Variants in RAD18 observed in about 807,000 individuals in gnomAD.
The protein encoded by RAD18 is RAD18 E3 ubiquitin protein ligase.
RAD18 carries 47 observed loss-of-function variants against 60.4 expected under a neutral mutation model. The observed-to-expected ratio is 0.78, with a 90% confidence interval of 0.62 to 0.99. RAD18 has a LOEUF of 0.99. RAD18 is among the 50% of genes least tolerant of loss of function. The pLI is 0.00. For synonymous variants in RAD18, 225 were observed against 195.5 expected, an observed-to-expected ratio of 1.15 and a Z score of -1.26; for missense variants, 640 against 593.3, an observed-to-expected ratio of 1.08 and a Z score of -0.82.
At chr3:8,936,576 T>A (rs1208533650) in intron 6 of RAD18, among the ~76,000 whole-genome samples, 1 of 152,242 alleles carries the variant, frequency 6.6e-6, no homozygotes, top group African/African-American at 2.4e-5. Flanking sequence ...TTTATGGCAA[T>A]TAGATGCTTA....
intron 4 of RAD18, among the ~76,000 whole-genome samples, chr3:8,946,564 TC>T (rs1395388542): frequency 6.6e-6 from 1 of 152,240 alleles, no homozygotes; most frequent in African/African-American, 2.4e-5. Flanking sequence ...CCTTTTCATA[TC>T]CCTTTGGGTG....
chr3:8,914,738 G>T (rs957572303), intron 7 of RAD18, among the ~76,000 whole-genome samples: 1 of 152,050 alleles, frequency 6.6e-6, no homozygotes, highest in Non-Finnish European at 1.5e-5. Context: ...TCCAAAATGA[G>T]TCATGGAATA....
intron 1 of RAD18, among the ~76,000 whole-genome samples, chr3:8,961,826 TG>T (rs1016003767): frequency 6.6e-6 from 1 of 152,248 alleles, no homozygotes; most frequent in South Asian, 2.1e-4. Flanking sequence ...AGAGAAGACA[TG>T]GAACCCGCCT....
chr3:8,937,015 G>A (rs1940665501), intron 6 of RAD18, among the ~76,000 whole-genome samples: 1 of 152,102 alleles, frequency 6.6e-6, no homozygotes, highest in South Asian at 2.1e-4. Flanking sequence ...TGTCTTTTAT[G>A]CTGTATTAAC....
In RAD18 at chr3:8,958,912, A is replaced by C; in HGVS notation, c.133+8T>G. 6.2e-7 allele frequency: 1 copy of C among 1,607,950 alleles called. No homozygotes were observed. Among genetic ancestry groups the C allele is most frequent in the Non-Finnish European group, 8.5e-7 (1 of 1,174,888 alleles). ...ATTTACTAACTCACAGGAACAAAAC[A>C]TACTTACAGTTATGTGAACACTGAG... On this transcript the variant is annotated splice_region_variant and intron_variant, in intron 2 of 12. Transcript: ENST00000264926.
intron 9 of RAD18, among the ~76,000 whole-genome samples, chr3:8,909,230 G>T (rs748002858): frequency 6.6e-6 from 1 of 152,182 alleles, no homozygotes; most frequent in Admixed American, 6.5e-5. Flanking sequence ...AGAGAGGTAG[G>T]CAGGTCCAGA....
intron 7 of RAD18, among the ~76,000 whole-genome samples, chr3:8,932,953 G>A (rs572959473): frequency 2.1e-4 from 32 of 151,868 alleles, no homozygotes; most frequent in African/African-American, 4.6e-4. Context: ...AAAATTAGCC[G>A]GGCGTGCTGG....
chr3:8,952,121 G>C (rs570925838), intron 2 of RAD18, among the ~76,000 whole-genome samples: 1 of 152,246 alleles, frequency 6.6e-6, no homozygotes, highest in African/African-American at 2.4e-5. Context: ...TTCACTCCAG[G>C]CATTCCACCT....
chr3:8,928,686 T>C (rs1940493478), intron 7 of RAD18, among the ~76,000 whole-genome samples: 1 of 152,200 alleles, frequency 6.6e-6, no homozygotes, highest in Non-Finnish European at 1.5e-5. Flanking sequence ...TTCAAAAAGC[T>C]TCTCAGTAAT....
intron 8 of RAD18, 78 bp downstream of exon 8, chr3:8,913,566 A>T (rs1325045242): frequency 9.7e-7 from 1 of 1,033,338 alleles, no homozygotes; most frequent in Non-Finnish European, 1.4e-6. Flanking sequence ...TAAATTTAAT[A>T]ATGGCTTGCT....
At chr3:8,952,245 C>A (rs765990567) in intron 2 of RAD18, among the ~76,000 whole-genome samples, 37 of 152,198 alleles carry the variant, frequency 2.4e-4, no homozygotes, top group Non-Finnish European at 4.9e-4. Context: ...AATCTAAAGT[C>A]TCATCTAAAT....
intron 2 of RAD18, among the ~76,000 whole-genome samples, chr3:8,953,879 A>G (rs1372463787): frequency 6.6e-6 from 1 of 152,204 alleles, no homozygotes; most frequent in Non-Finnish European, 1.5e-5. Context: ...GTGTAGAAGT[A>G]AAAAGCAATT....
rs45437595 is a variant in RAD18 at position 8,949,099 on chromosome 3, A to G, written c.134-529T>C. Among the ~76,000 whole-genome samples the G allele has an allele frequency of 3.1e-3, 470 of 152,342 alleles. 1 individual carries two copies. Among genetic ancestry groups the G allele is most frequent in the Non-Finnish European group, 5.0e-3 (341 of 68,034 alleles). On this transcript the variant is annotated intron_variant, in intron 2 of 12. Coordinates refer to ENST00000264926, the MANE Select transcript of RAD18 (RefSeq NM_020165.4). ...TTCTTGACCTCAAGGAGCTAATAAA[A>G]TAGTGAAGCAATTACAGCATAATTC...
intron 2 of RAD18, among the ~76,000 whole-genome samples, chr3:8,957,351 A>C (rs572337975): frequency 1.3e-5 from 2 of 152,318 alleles, no homozygotes; most frequent in South Asian, 4.1e-4. Flanking sequence ...ATGCATTTAA[A>C]ATGCAACGAT....
chr3:8,950,481 G>GGAT (rs1312878142), intron 2 of RAD18, among the ~76,000 whole-genome samples: 1 of 152,208 alleles, frequency 6.6e-6, no homozygotes, highest in Non-Finnish European at 1.5e-5. Context: ...CATCTAAGGA[G>GGAT]GGGAAAACTG....
intron 7 of RAD18, among the ~76,000 whole-genome samples, chr3:8,927,965 C>T (rs1329457365): frequency 2.7e-5 from 4 of 147,922 alleles, no homozygotes; most frequent in East Asian, 4.0e-4. Context: ...ATGTAAATGA[C>T]GAGTTAGTGG....
At chr3:8,929,684 C>T (rs1347856311) in intron 7 of RAD18, among the ~76,000 whole-genome samples, 4 of 150,656 alleles carry the variant, frequency 2.7e-5, no homozygotes, top group African/African-American at 7.3e-5. Flanking sequence ...CTCTGTTGCC[C>T]AGACTGTAGT....
At position 8,907,846 on chromosome 3, in the gene RAD18, G is replaced by A. The variant is rs573200000; in HGVS notation, c.1027+4466C>T. On this transcript the variant is annotated intron_variant, in intron 9 of 12. Transcript: ENST00000264926. ...CTGGACAAGAACCCACATGCTGAAA[G>A]GGCAGGGGCTAGGACACTGCTACGG... Among the ~76,000 whole-genome samples the A allele has an allele frequency of 2.4e-4, 36 of 152,340 alleles. No homozygotes were observed. In the South Asian group the frequency reaches 6.6e-3, roughly 28 times the overall value.
At chr3:8,917,593 T>A (rs1334642212) in intron 7 of RAD18, among the ~76,000 whole-genome samples, 1 of 152,062 alleles carries the variant, frequency 6.6e-6, no homozygotes, top group Non-Finnish European at 1.5e-5. Context: ...TAATGAAAGA[T>A]GTACACTGCA....
Sources: allele counts gnomAD v4.1 joint callset (sites outside exome capture counted in the v4.1 genomes callset), GRCh38; gene constraint gnomAD v4.1.1; transcripts MANE v1.5; gene names NCBI Gene and HGNC (gene_info 2026-07-23, HGNC 2026-07-21).